PDZRN3: variants seen among roughly 807,000 people sequenced by gnomAD.
The protein encoded by PDZRN3 is PDZ domain containing ring finger 3.
PDZRN3 carries 38 observed loss-of-function variants against 85.7 expected under a neutral mutation model. The ratio of observed to expected loss-of-function variants is 0.44; its 90% confidence interval spans 0.34 to 0.58. PDZRN3 has a LOEUF of 0.58. Among genes scored for constraint, PDZRN3 ranks in the 20% least tolerant of loss-of-function variants. The probability of loss-of-function intolerance (pLI) is 0.01; values close to 1 mark genes in which losing one functional copy is unlikely to be tolerated. For missense variants in PDZRN3, 1,629 were observed against 1,506.4 expected, an observed-to-expected ratio of 1.08 and a Z score of -1.35; for synonymous variants, 759 against 638.0, an observed-to-expected ratio of 1.19 and a Z score of -2.86.
chr3:73,558,592 C>T lies in PDZRN3; in HGVS notation c.918+43762G>A, dbSNP rs4274694. Among the ~76,000 whole-genome samples the T allele has an allele frequency of 7.9e-3, 1,210 of 152,254 alleles. 42 individuals carry two copies. The highest frequency in any genetic ancestry group is 0.063 in the Admixed American group (964 of 15,292). On this transcript the variant is annotated intron_variant, in intron 3 of 9. Coordinates refer to ENST00000263666, the MANE Select transcript of PDZRN3 (RefSeq NM_015009.3). ...CAAACTCCCCTTCCTCCTCTTTTTC[C>T]TGTTCGGTCCCGCTCCCTGGGTCAG...
intron 1 of PDZRN3, among the ~76,000 whole-genome samples, chr3:73,614,732 A>T (rs1286933329): frequency 6.6e-6 from 1 of 152,174 alleles, no homozygotes; most frequent in Admixed American, 6.5e-5. Flanking sequence ...AGTTGAGGGG[A>T]CCAAGAGGTA....
At chr3:73,585,542 C>G (rs1472605789) in intron 3 of PDZRN3, among the ~76,000 whole-genome samples, 1 of 152,164 alleles carries the variant, frequency 6.6e-6, no homozygotes, top group East Asian at 1.9e-4. Flanking sequence ...TCATTTGCAT[C>G]CACCCCTTTG....
chr3:73,547,941 T>C (rs1221043014), intron 3 of PDZRN3, among the ~76,000 whole-genome samples: 4 of 152,208 alleles, frequency 2.6e-5, no homozygotes, highest in Admixed American at 6.5e-5. Context: ...AAAGAGCTCT[T>C]ACAAAACTAC....
intron 3 of PDZRN3, chr3:73,569,417 C>G: frequency 8.7e-7 from 1 of 1,152,756 alleles, no homozygotes; most frequent in Non-Finnish European, 1.1e-6. Context: ...GTACATATTT[C>G]CTGTCTCTTC....
At chr3:73,574,235 C>T (rs1478495753) in intron 3 of PDZRN3, among the ~76,000 whole-genome samples, 1 of 152,184 alleles carries the variant, frequency 6.6e-6, no homozygotes, top group Non-Finnish European at 1.5e-5. Flanking sequence ...CCTCTAAGTA[C>T]ACTCTAACCC....
chr3:73,411,608 A>C (rs547947376), intron 3 of PDZRN3, among the ~76,000 whole-genome samples: 268 of 152,188 alleles, frequency 1.8e-3, no homozygotes, highest in African/African-American at 6.1e-3. Context: ...AGTCCACCAT[A>C]GTGGCAGCAG....
At chr3:73,424,366 C>CAAAAA (rs1702264587) in intron 3 of PDZRN3, among the ~76,000 whole-genome samples, 1 of 41,386 alleles carries the variant, frequency 2.4e-5, no homozygotes, top group African/African-American at 1.3e-4. Flanking sequence ...CCCGTCTCTA[C>CAAAAA]CAAAAAAAAA....
At chr3:73,400,754 AG>A (rs1049088777) in intron 5 of PDZRN3, among the ~76,000 whole-genome samples, 167 bp downstream of exon 5, 10 of 152,240 alleles carry the variant, frequency 6.6e-5, no homozygotes, top group Non-Finnish European at 1.5e-4. Context: ...TTTCCAAGGA[AG>A]GAAGAAGAAT....
rs112221676 is a variant in PDZRN3 at position 73,468,444 on chromosome 3, CT to C, written c.919-64050del. 4.6e-3 allele frequency among the ~76,000 whole-genome samples: 671 copies of C among 146,224 alleles called. 2 individuals carry two copies. Among genetic ancestry groups the C allele is most frequent in the African/African-American group, 0.013 (530 of 40,058 alleles). ...CATGCCCCAAATACAGTCGCTTACT[CT>C]TTTTTTTTTTCTTTGAGTCAATTAA... On this transcript the variant is annotated intron_variant, in intron 3 of 9. Coordinates refer to ENST00000263666, the MANE Select transcript of PDZRN3 (RefSeq NM_015009.3).
intron 2 of PDZRN3, among the ~76,000 whole-genome samples, chr3:73,608,241 C>T (rs1702631722): frequency 6.6e-6 from 1 of 152,174 alleles, no homozygotes; most frequent in Non-Finnish European, 1.5e-5. Context: ...GCACCACACT[C>T]CAGCTCGGTC....
At position 73,588,981 on chromosome 3, in the gene PDZRN3, CAGA is replaced by C. The variant is rs1251389875; in HGVS notation, c.918+13370_918+13372del. Reference sequence around the variant, plus strand: ...CTCTTTCCACTGCCCTGTGATATATCAGAAGGACTGACTTCCTCTCTTGAATAT... The same window carrying C: ...CTCTTTCCACTGCCCTGTGATATATCAGGACTGACTTCCTCTCTTGAATAT... On this transcript the variant is annotated intron_variant, in intron 3 of 9. Transcript: ENST00000263666. Among the ~76,000 whole-genome samples, 3 of 152,084 alleles carry C rather than the reference CAGA, an allele frequency of 2.0e-5. No individual in the cohort carries two copies. In the East Asian group the frequency reaches 5.8e-4, roughly 29 times the overall value.
chr3:73,482,165 A>G (rs1703575911), intron 3 of PDZRN3, among the ~76,000 whole-genome samples: 1 of 152,246 alleles, frequency 6.6e-6, no homozygotes, highest in South Asian at 2.1e-4. Context: ...AGCAGGGAAG[A>G]GCTAGCTGCT....
At chr3:73,554,110 G>T (rs1168601104) in intron 3 of PDZRN3, among the ~76,000 whole-genome samples, 1 of 152,184 alleles carries the variant, frequency 6.6e-6, no homozygotes. Flanking sequence ...GGAGAATAGA[G>T]GGCCAAGGGC....
intron 5 of PDZRN3, among the ~76,000 whole-genome samples, chr3:73,400,492 CA>C (rs1326561287): frequency 1.3e-5 from 2 of 152,198 alleles, no homozygotes; most frequent in Non-Finnish European, 2.9e-5. Flanking sequence ...AAGCAGTGAA[CA>C]AACCCTTTTG....
At chr3:73,611,262 T>C (rs1433257059) in intron 1 of PDZRN3, among the ~76,000 whole-genome samples, 1 of 152,222 alleles carries the variant, frequency 6.6e-6, no homozygotes, top group Non-Finnish European at 1.5e-5. Flanking sequence ...CCAAACTGTT[T>C]ACTGAACTAT....
At position 73,385,695 on chromosome 3, in the gene PDZRN3, G is replaced by C; in HGVS notation, c.1609C>G (p.Gln537Glu). The change falls in exon 9 of 10, where the codon CAA (glutamine) becomes GAA (glutamate). Residue 537 changes from glutamine (Q) to glutamate (E), a missense_variant. Transcript: ENST00000263666. ...MLEEQHHQAM[Q>E]FTASVLQQKK... Reference sequence around the variant, plus strand: ...TGCTGCAGCACGCTAGCTGTGAATTGCATGGCCTGGTGGTGCTGCTCCTCC... The same window carrying C: ...TGCTGCAGCACGCTAGCTGTGAATTCCATGGCCTGGTGGTGCTGCTCCTCC... 2 of 1,611,706 alleles carry C rather than the reference G, an allele frequency of 1.2e-6. No homozygotes were observed. Among genetic ancestry groups the C allele is most frequent in the Non-Finnish European group, 1.7e-6 (2 of 1,177,988 alleles).
At chr3:73,553,581 A>G (rs1322006177) in intron 3 of PDZRN3, among the ~76,000 whole-genome samples, 1 of 151,836 alleles carries the variant, frequency 6.6e-6, no homozygotes, top group Non-Finnish European at 1.5e-5. Context: ...CCATCTAAAA[A>G]AAAAAAAAAA....
chr3:73,569,243 G>C, intron 3 of PDZRN3: 4 of 1,284,850 alleles, frequency 3.1e-6, no homozygotes, highest in African/African-American at 1.5e-5. Context: ...AGTCTGCAAA[G>C]ATGAACAAGA....
intron 3 of PDZRN3, among the ~76,000 whole-genome samples, chr3:73,563,009 ATATATTTTTTTT>A (rs1434893980): frequency 1.3e-3 from 52 of 39,666 alleles, no homozygotes; most frequent in Non-Finnish European, 2.0e-3. Flanking sequence ...ATATATATAT[ATATATTTTTTTT>A]TTTTTTTTTT....
Sources: gnomAD v4.1 joint callset for allele counts (sites outside exome capture counted in the v4.1 genomes callset) on GRCh38, gnomAD v4.1.1 for gene constraint, MANE v1.5 for transcripts, NCBI Gene and HGNC (gene_info 2026-07-23, HGNC 2026-07-21) for gene names.